PTPRZ1: variants seen among roughly 807,000 people sequenced by gnomAD.
PTPRZ1 encodes the protein protein tyrosine phosphatase receptor type Z1.
In PTPRZ1, 82 loss-of-function variants were observed where a neutral mutation model predicts 214.1. The ratio of observed to expected loss-of-function variants is 0.38; its 90% CI spans 0.32 to 0.46. PTPRZ1 has a LOEUF of 0.46. Among genes scored for constraint, PTPRZ1 ranks in the 20% least tolerant of loss-of-function variants. The probability of loss-of-function intolerance (pLI) is 1.00; values close to 1 mark genes in which losing one functional copy is unlikely to be tolerated. For synonymous variants in PTPRZ1, 945 were observed against 987.9 expected, an observed-to-expected ratio of 0.96 and a Z score of 0.81; for missense variants, 2,603 against 2,748.7, an observed-to-expected ratio of 0.95 and a Z score of 1.19.
chr7:122,060,967 A>G (rs1792557302), intron 29 of PTPRZ1, 113 bp from the exon 30 acceptor site: 4 of 1,013,050 alleles, frequency 3.9e-6, no homozygotes, highest in Non-Finnish European at 5.4e-6. Flanking sequence ...TGCCCTTAAC[A>G]CATTGCCCTT....
At chr7:122,031,354 C>A in intron 14 of PTPRZ1, 120 bp from the exon 15 acceptor site, 1 of 681,580 alleles carries the variant, frequency 1.5e-6, no homozygotes, top group Non-Finnish European at 2.5e-6. Context: ...CAATTGAATG[C>A]TGAGATTTAG....
intron 28 of PTPRZ1, 159 bp from the exon 29 acceptor site, chr7:122,059,594 A>T: frequency 1.3e-6 from 1 of 774,754 alleles, no homozygotes; most frequent in Non-Finnish European, 2.0e-6. Flanking sequence ...ATTTCAGATT[A>T]AATCATAGTT....
intron 26 of PTPRZ1, 41 bp from the exon 27 acceptor site, chr7:122,054,900 T>C: frequency 1.3e-6 from 2 of 1,520,064 alleles, no homozygotes; most frequent in Middle Eastern, 1.9e-4. Context: ...ATTGGTCATT[T>C]TATTAAAATC....
chr7:121,894,905 T>G (rs1278870997), intron 1 of PTPRZ1, among the ~76,000 whole-genome samples: 1 of 152,188 alleles, frequency 6.6e-6, no homozygotes, highest in East Asian at 1.9e-4. Context: ...GATTTATAAC[T>G]ATGGAAGTGG....
chr7:121,943,503 T>A (rs948525219), intron 2 of PTPRZ1, among the ~76,000 whole-genome samples: 61 of 144,118 alleles, frequency 4.2e-4, no homozygotes, highest in Admixed American at 3.4e-3. Flanking sequence ...GCCCGGCTAA[T>A]TTTTTTTTGT....
intron 12 of PTPRZ1, among the ~76,000 whole-genome samples, chr7:122,016,715 A>G (rs1028498608): frequency 4.6e-5 from 7 of 151,698 alleles, no homozygotes; most frequent in Non-Finnish European, 4.4e-5. Context: ...ATATGATAGG[A>G]CATATCTCAT....
intron 1 of PTPRZ1, among the ~76,000 whole-genome samples, chr7:121,926,131 C>T (rs955420554): frequency 2.0e-5 from 3 of 151,968 alleles, no homozygotes; most frequent in Non-Finnish European, 2.9e-5. Flanking sequence ...AGTGAAACCC[C>T]GTCTCTACTA....
intron 19 of PTPRZ1, 52 bp downstream of exon 19, chr7:122,038,941 T>C: frequency 6.3e-7 from 1 of 1,591,104 alleles, no homozygotes; most frequent in Non-Finnish European, 8.6e-7. Flanking sequence ...AGAGGTACTT[T>C]AAATTAGTTT....
At chr7:121,941,629 T>G (rs1796241962) in intron 2 of PTPRZ1, among the ~76,000 whole-genome samples, 1 of 152,186 alleles carries the variant, frequency 6.6e-6, no homozygotes, top group South Asian at 2.1e-4. Flanking sequence ...GGAGCTTAAA[T>G]GTCTAAATTA....
chr7:122,003,251 TA>T (rs1180214098), intron 10 of PTPRZ1, among the ~76,000 whole-genome samples: 1 of 152,184 alleles, frequency 6.6e-6, no homozygotes, highest in Non-Finnish European at 1.5e-5. Flanking sequence ...TGGTTAGTTT[TA>T]ACGAGAAAAA....
rs571381883 is a variant in PTPRZ1 at position 122,011,698 on chromosome 7, T to C, written c.2652T>C (p.His884=). Residue 884 remains histidine, a synonymous_variant, in exon 12 of 30, where the codon CAT becomes CAC. Transcript: ENST00000393386. ...ATTCTGATGTGCTGTCCACTACTCA[T>C]GCTGCTTCAGAGACGCTGGAATTTG... The part of the protein sequence containing the change: ...AQYSDVLSTT[H]AASETLEFGS... 20 of 1,614,054 alleles carry C rather than the reference T, an allele frequency of 1.2e-5. No homozygotes were observed. In the African/African-American group the frequency reaches 1.3e-4, roughly 11 times the overall value.
chr7:121,986,753 A>G (rs1437957094), intron 8 of PTPRZ1, among the ~76,000 whole-genome samples: 1 of 152,212 alleles, frequency 6.6e-6, no homozygotes, highest in African/African-American at 2.4e-5. Context: ...AAAAACAGCA[A>G]CTCAAAATAG....
chr7:122,017,784 C>T (rs1798889409), intron 12 of PTPRZ1, among the ~76,000 whole-genome samples: 1 of 151,682 alleles, frequency 6.6e-6, no homozygotes, highest in South Asian at 2.1e-4. Context: ...GTTGGCCAGG[C>T]TGGTCTTGAA....
intron 1 of PTPRZ1, among the ~76,000 whole-genome samples, chr7:121,874,122 A>G (rs1488783520): frequency 6.6e-6 from 1 of 150,950 alleles, no homozygotes; most frequent in African/African-American, 2.5e-5. Flanking sequence ...TTTTTTTATT[A>G]CTTTCAATTT....
chr7:121,926,166 G>A (rs756738497), intron 1 of PTPRZ1, among the ~76,000 whole-genome samples: 7 of 151,968 alleles, frequency 4.6e-5, no homozygotes, highest in Non-Finnish European at 8.8e-5. Context: ...TTAGCCAGGC[G>A]TGGTGGCATG....
intron 1 of PTPRZ1, among the ~76,000 whole-genome samples, chr7:121,876,905 C>T (rs1794079739): frequency 6.6e-6 from 1 of 152,068 alleles, no homozygotes; most frequent in Admixed American, 6.5e-5. Flanking sequence ...GCATAAGCTG[C>T]GTTTTCTCAT....
At chr7:122,035,585 CA>C (rs1562874841) in intron 17 of PTPRZ1, among the ~76,000 whole-genome samples, 2 of 152,092 alleles carry the variant, frequency 1.3e-5, no homozygotes, top group Non-Finnish European at 2.9e-5. Context: ...TAAAGAAAAA[CA>C]ATCCAGAAAT....
In PTPRZ1 at chr7:122,062,013, A is replaced by G. The variant is rs140683440; in HGVS notation, c.*793A>G. On this transcript the variant is annotated 3_prime_UTR_variant, in exon 30 of 30. Transcript: ENST00000393386. ...TGGTTTTTATCCAAGGAATTGCAAA[A>G]ATAAATATAAATATTGCCATTAATT... The G allele has an allele frequency of 3.9e-5, 6 of 152,758 alleles. No homozygotes were observed. The East Asian group carries it at 9.7e-4, about 25-fold the overall frequency. 9.5% of individuals were successfully genotyped at this position (152,758 alleles called of 1,614,324 possible).
At chr7:121,956,170 C>T (rs1455280610) in intron 2 of PTPRZ1, among the ~76,000 whole-genome samples, 1 of 151,902 alleles carries the variant, frequency 6.6e-6, no homozygotes, top group Non-Finnish European at 1.5e-5. Context: ...TCTGCTTGTC[C>T]ATCAGGAATA....
Sources: gnomAD v4.1 joint callset for allele counts (sites outside exome capture counted in the v4.1 genomes callset) on GRCh38, gnomAD v4.1.1 for gene constraint, MANE v1.5 for transcripts, NCBI Gene and HGNC (gene_info 2026-07-23, HGNC 2026-07-21) for gene names.